CCDC30: variants seen among roughly 807,000 people sequenced by gnomAD.
CCDC30 encodes coiled-coil domain-containing protein 30.
Under a neutral mutation model 100.2 loss-of-function variants are expected in CCDC30, and 70 were observed. The observed-to-expected ratio is 0.70, with a 90% CI of 0.58 to 0.85. CCDC30 has a LOEUF of 0.85. CCDC30 is among the 40% of genes least tolerant of loss of function. CCDC30 has a pLI of 0.00. For synonymous variants in CCDC30, 233 were observed against 269.5 expected (o/e 0.86, Z 1.33); for missense variants, 652 against 771.2 (o/e 0.85, Z 1.83).
At chr1:42,506,878 A>G (rs1448571503) in intron 6 of CCDC30, among the ~76,000 whole-genome samples, 1 of 152,250 alleles carries the variant, frequency 6.6e-6, no homozygotes, top group Non-Finnish European at 1.5e-5. Context: ...CTTTACTATT[A>G]CGTGAAAATC....
intron 15 of CCDC30, among the ~76,000 whole-genome samples, chr1:42,646,603 G>A (rs1295601041): frequency 6.6e-6 from 1 of 152,184 alleles, no homozygotes; most frequent in Non-Finnish European, 1.5e-5. Flanking sequence ...CTGTAACTCA[G>A]CCAAAGAAGA....
chr1:42,464,995 C>G (rs1569651788), intron 1 of CCDC30, among the ~76,000 whole-genome samples: 1 of 152,172 alleles, frequency 6.6e-6, no homozygotes, highest in Non-Finnish European at 1.5e-5. Context: ...TAAATTGGAA[C>G]TGGATAAAAC....
At chr1:42,628,437 G>T (rs1004085840) in intron 11 of CCDC30, among the ~76,000 whole-genome samples, 4 of 152,160 alleles carry the variant, frequency 2.6e-5, no homozygotes, top group African/African-American at 7.2e-5. Context: ...GGCAAAGCAT[G>T]ATTGGTTTTG....
At chr1:42,459,539 A>G (rs1643346445), upstream of CCDC30, 16 of 1,331,770 alleles carry the variant, frequency 1.2e-5, no homozygotes, top group Non-Finnish European at 1.7e-5. Context: ...TTAGTTTCCC[A>G]TGAGATTGAC....
chr1:42,492,391 G>T (rs1644157123), intron 4 of CCDC30: 1 of 198,082 alleles, frequency 5.0e-6, no homozygotes, highest in South Asian at 8.5e-5. Flanking sequence ...AGTTTGATTT[G>T]GGAAAATTCA....
At position 42,469,021 on chromosome 1, in the gene CCDC30, T is replaced by TA. The variant is rs529616688; in HGVS notation, c.-92+5136dup. ...AGAAAGTGACATCACAGAACAGAATTAAAAAAAAAAAAACTTTCAGGGAAG... is the reference window on the plus strand; with the variant it reads ...AGAAAGTGACATCACAGAACAGAATTAAAAAAAAAAAAAACTTTCAGGGAAG... On this transcript the variant is annotated intron_variant, in intron 1 of 16. Transcript: ENST00000668663. 9.3e-3 allele frequency among the ~76,000 whole-genome samples: 1,272 copies of TA among 137,470 alleles called. 15 individuals are homozygous for TA. The highest frequency in any genetic ancestry group is 0.028 in the African/African-American group (1,057 of 37,484). The allele number at this position is 137,470 out of a possible 152,430, so 90.2% of individuals were successfully genotyped here.
intron 15 of CCDC30, among the ~76,000 whole-genome samples, chr1:42,651,336 T>C (rs1347359549): frequency 1.3e-5 from 2 of 152,094 alleles, no homozygotes; most frequent in Non-Finnish European, 1.5e-5. Flanking sequence ...GCTACACATC[T>C]GATAAGGGAT....
intron 6 of CCDC30, among the ~76,000 whole-genome samples, chr1:42,564,091 T>G (rs1645555488): frequency 6.6e-6 from 1 of 152,172 alleles, no homozygotes; most frequent in African/African-American, 2.4e-5. Flanking sequence ...GACATGGGCT[T>G]TTTAGAAAGT....
chr1:42,553,201 T>G (rs12026051), intron 6 of CCDC30, among the ~76,000 whole-genome samples: 93,820 of 151,226 alleles, frequency 0.62, 29,383 homozygotes, highest in South Asian at 0.72. Context: ...TTGTTTTTTT[T>G]TTGTTGTTGT....
intron 6 of CCDC30, among the ~76,000 whole-genome samples, chr1:42,521,684 T>G (rs1455014540): frequency 6.6e-6 from 1 of 152,164 alleles, no homozygotes; most frequent in East Asian, 1.9e-4. Flanking sequence ...AACAGTCTGT[T>G]TCTCCCTTCA....
chr1:42,615,486 A>T (rs1646709347), intron 11 of CCDC30, among the ~76,000 whole-genome samples: 1 of 152,052 alleles, frequency 6.6e-6, no homozygotes, highest in Non-Finnish European at 1.5e-5. Flanking sequence ...TTTAATAGAG[A>T]TGGGGTTTCA....
chr1:42,633,826 G>A (rs1647088630), intron 11 of CCDC30, among the ~76,000 whole-genome samples: 1 of 152,082 alleles, frequency 6.6e-6, no homozygotes, highest in East Asian at 1.9e-4. Context: ...ACCCAAGACT[G>A]GGCAATTTAT....
chr1:42,553,891 T>G (rs1645310915), intron 6 of CCDC30, among the ~76,000 whole-genome samples: 1 of 152,156 alleles, frequency 6.6e-6, no homozygotes, highest in African/African-American at 2.4e-5. Context: ...CAAAATAAAA[T>G]ATTTATTTTT....
In CCDC30 at chr1:42,637,383, G is replaced by A. The variant is rs745678382; in HGVS notation, c.1419+5G>A. 1.9e-6 allele frequency: 3 copies of A among 1,604,026 alleles called. No individual in the cohort carries two copies. The highest frequency in any genetic ancestry group is 2.5e-6 in the Non-Finnish European group (3 of 1,177,010). ...CTGCAACATAAAATAGAAAAGGTGA[G>A]GAAAAAATAAAAGGTGAAGAGCTCA... On this transcript the variant is annotated splice_donor_5th_base_variant and intron_variant, in intron 12 of 16. Transcript: ENST00000668663.
chr1:42,630,455 T>C (rs971225883), intron 11 of CCDC30, among the ~76,000 whole-genome samples: 1 of 151,990 alleles, frequency 6.6e-6, no homozygotes, highest in African/African-American at 2.4e-5. Context: ...TGAACTCAGC[T>C]CACTGCAACC....
intron 11 of CCDC30, among the ~76,000 whole-genome samples, chr1:42,623,206 C>T (rs1473774492): frequency 6.6e-6 from 1 of 152,114 alleles, no homozygotes; most frequent in Non-Finnish European, 1.5e-5. Context: ...TTGATTGTTT[C>T]CTTTGCTGTG....
chr1:42,560,653 C>T (rs1020597941), intron 6 of CCDC30, among the ~76,000 whole-genome samples: 1 of 151,954 alleles, frequency 6.6e-6, no homozygotes, highest in African/African-American at 2.4e-5. Flanking sequence ...CAGGTGTGAG[C>T]CACTGCACCC....
intron 1 of CCDC30, among the ~76,000 whole-genome samples, chr1:42,476,883 GTTT>G (rs755925608): frequency 1.6e-5 from 2 of 126,478 alleles, no homozygotes; most frequent in South Asian, 2.9e-4. Flanking sequence ...GTTGATGGAA[GTTT>G]TTTTTTTTGT....
intron 6 of CCDC30, among the ~76,000 whole-genome samples, chr1:42,509,431 A>C (rs970943445): frequency 3.3e-5 from 5 of 152,222 alleles, no homozygotes; most frequent in African/African-American, 1.2e-4. Flanking sequence ...CGCCCTTGAT[A>C]GATCAACTAG....
Sources: allele counts gnomAD v4.1 joint callset (sites outside exome capture counted in the v4.1 genomes callset), GRCh38; gene constraint gnomAD v4.1.1; transcripts MANE v1.5; gene names NCBI Gene and HGNC (gene_info 2026-07-23, HGNC 2026-07-21).